Variants in ABCC1 observed in about 807,000 individuals in gnomAD.
ABCC1 encodes multidrug resistance-associated protein 1.
In ABCC1, 83 loss-of-function variants were observed where a neutral mutation model predicts 172.9. That is an observed-to-expected ratio of 0.48 (90% confidence interval 0.40 to 0.58). The LOEUF (loss-of-function observed/expected upper bound fraction) is 0.58. Among genes scored for constraint, ABCC1 ranks in the 20% least tolerant of loss-of-function variants. ABCC1 has a pLI of 0.00. For synonymous variants in ABCC1, 937 were observed against 825.2 expected (o/e 1.14, Z -2.32); for missense variants, 1,817 against 2,002.7 (o/e 0.91, Z 1.77).
At chr16:16,091,265 CA>C (rs1414653207) in intron 19 of ABCC1, among the ~76,000 whole-genome samples, 2 of 151,980 alleles carry the variant, frequency 1.3e-5, no homozygotes, top group East Asian at 3.9e-4. Flanking sequence ...CTCATCTCTA[CA>C]AAAAATACAA....
Position 16,106,882 on chromosome 16 carries a change from C to T in ABCC1, c.2871+9C>T, listed in dbSNP as rs775441834. ...AGGCGCAGACAGGGCAGGTGAGATT[C>T]GCTCCTTAAGTGATGACAGTGGCTG... On this transcript the variant is annotated intron_variant, in intron 21 of 30. Coordinates refer to ENST00000399410, the MANE Select transcript of ABCC1 (RefSeq NM_004996.4). 35 of 1,613,786 alleles carry T rather than the reference C, an allele frequency of 2.2e-5. No individual in the cohort carries two copies. Among genetic ancestry groups the T allele is most frequent in the South Asian group, 7.7e-5 (7 of 91,062 alleles).
chr16:15,984,223 T>C (rs1294077058), intron 1 of ABCC1, among the ~76,000 whole-genome samples: 2 of 152,156 alleles, frequency 1.3e-5, no homozygotes, highest in Non-Finnish European at 2.9e-5. Flanking sequence ...AGGAAGCCCT[T>C]TGTGCACAGA....
intron 13 of ABCC1, among the ~76,000 whole-genome samples, chr16:16,068,834 A>G (rs1212783715): frequency 6.6e-6 from 1 of 151,634 alleles, no homozygotes; most frequent in Non-Finnish European, 1.5e-5. Flanking sequence ...TAAAAATACA[A>G]AAATTAGCCA....
At chr16:15,959,395 A>G (rs2046077373) in intron 1 of ABCC1, among the ~76,000 whole-genome samples, 1 of 152,024 alleles carries the variant, frequency 6.6e-6, no homozygotes, top group South Asian at 2.1e-4. Context: ...GCACAATCAT[A>G]GCTCACTGCA....
At chr16:16,006,070 A>G (rs1246131036) in intron 1 of ABCC1, among the ~76,000 whole-genome samples, 2 of 152,144 alleles carry the variant, frequency 1.3e-5, no homozygotes, top group Non-Finnish European at 2.9e-5. Context: ...TTTAAAAACA[A>G]AAAGTATGCC....
At chr16:16,104,171 T>G (rs957979991) in intron 20 of ABCC1, among the ~76,000 whole-genome samples, 5 of 152,110 alleles carry the variant, frequency 3.3e-5, no homozygotes, top group African/African-American at 1.2e-4. Flanking sequence ...AGCAGAAAGA[T>G]TTATCGCAAA....
chr16:16,100,349 C>A (rs924159227), intron 19 of ABCC1, among the ~76,000 whole-genome samples: 1 of 56,728 alleles, frequency 1.8e-5, no homozygotes. Context: ...TGGCCTGAGG[C>A]TGCTGGTAGG....
chr16:16,033,616 G>T (rs556901808), intron 6 of ABCC1, among the ~76,000 whole-genome samples: 16 of 152,154 alleles, frequency 1.1e-4, no homozygotes, highest in Admixed American at 6.6e-4. Flanking sequence ...GAGGTAACCA[G>T]TGTCACCATT....
At chr16:15,990,810 C>T (rs751301631) in intron 1 of ABCC1, among the ~76,000 whole-genome samples, 6 of 137,960 alleles carry the variant, frequency 4.3e-5, no homozygotes, top group Non-Finnish European at 6.2e-5. Flanking sequence ...CCGCCACGCC[C>T]GGCTAATTTT....
At chr16:16,134,618 CATCG>C in intron 28 of ABCC1, 110 bp downstream of exon 28, 1 of 608,928 alleles carries the variant, frequency 1.6e-6, no homozygotes, top group Admixed American at 3.6e-5. Context: ...GGCCCTACTT[CATCG>C]TTCTTTTTTT....
At chr16:15,951,678 T>C (rs886370981) in intron 1 of ABCC1, among the ~76,000 whole-genome samples, 2 of 149,414 alleles carry the variant, frequency 1.3e-5, no homozygotes, top group African/African-American at 5.1e-5. Context: ...GTTGCTTTTT[T>C]CTTTTCTTTT....
At position 16,009,881 on chromosome 16, in the gene ABCC1, ACT is replaced by A. The variant is rs2151734545; in HGVS notation, c.336_337del (p.Leu113GlyfsTer59). On this transcript the variant is annotated frameshift_variant, in exon 3 of 31. Coordinates refer to ENST00000399410, the MANE Select transcript of ABCC1 (RefSeq NM_004996.4). LOFTEE classifies it high-confidence loss of function. ...GGCCCCAGTGTTTCTGGTCAGCCCAACTCTCTTGGGCATCACCATGGTAAGTA... is the reference window on the plus strand; with the variant it reads ...GGCCCCAGTGTTTCTGGTCAGCCCAACTCTTGGGCATCACCATGGTAAGTA... ...FLAPVFLVSP[T>X]LLGITMLLAT... 1 of 1,609,432 alleles carries A rather than the reference ACT, an allele frequency of 6.2e-7. No homozygotes were observed. Among genetic ancestry groups the A allele is most frequent in the East Asian group, 2.2e-5 (1 of 44,536 alleles).
chr16:16,091,271 A>G (rs1156329862), intron 19 of ABCC1, among the ~76,000 whole-genome samples: 3 of 152,004 alleles, frequency 2.0e-5, no homozygotes, highest in Admixed American at 6.6e-5. Flanking sequence ...TCTACAAAAA[A>G]TACAAAAAAT....
intron 12 of ABCC1, 103 bp downstream of exon 12, chr16:16,056,398 G>T (rs1477250653): frequency 2.3e-6 from 3 of 1,331,170 alleles, no homozygotes; most frequent in Non-Finnish European, 3.1e-6. Flanking sequence ...AGGTGCAGTG[G>T]CTCATGCTTG....
chr16:16,079,157 C>G (rs934651479), intron 15 of ABCC1, among the ~76,000 whole-genome samples, 195 bp from the exon 16 acceptor site: 1 of 152,096 alleles, frequency 6.6e-6, no homozygotes, highest in Non-Finnish European at 1.5e-5. Flanking sequence ...CACCTGGAGG[C>G]CCCCTGAGAC....
chr16:16,111,238 G>T (rs924244970), intron 21 of ABCC1, 137 bp from the exon 22 acceptor site: 11 of 712,126 alleles, frequency 1.5e-5, no homozygotes, highest in Non-Finnish European at 2.7e-5. Flanking sequence ...AATAGCTAAA[G>T]GGGAGGGGTG....
chr16:15,986,488 G>A (rs999659582), intron 1 of ABCC1, among the ~76,000 whole-genome samples: 3 of 152,194 alleles, frequency 2.0e-5, no homozygotes, highest in Non-Finnish European at 4.4e-5. Flanking sequence ...TCACAGGAGC[G>A]TGAACCCTAA....
intron 1 of ABCC1, among the ~76,000 whole-genome samples, chr16:16,002,585 C>T (rs2047353046): frequency 1.3e-5 from 2 of 152,088 alleles, no homozygotes; most frequent in African/African-American, 4.8e-5. Flanking sequence ...CCAGCCTGAG[C>T]AACATGGCAA....
chr16:16,007,435 G>A (rs537712599), intron 1 of ABCC1, among the ~76,000 whole-genome samples: 2 of 152,106 alleles, frequency 1.3e-5, no homozygotes, highest in African/African-American at 2.4e-5. Context: ...ATCTTGCCTA[G>A]GCTGGTCTCG....
Sources: allele counts gnomAD v4.1 joint callset (sites outside exome capture counted in the v4.1 genomes callset), GRCh38; gene constraint gnomAD v4.1.1; transcripts MANE v1.5; gene names NCBI Gene and HGNC (gene_info 2026-07-23, HGNC 2026-07-21).